HSDL2: variants seen among roughly 807,000 people sequenced by gnomAD.
HSDL2 encodes the protein hydroxysteroid dehydrogenase like 2, also known as hydroxysteroid dehydrogenase-like protein 2.
A neutral mutation model predicts 46.3 loss-of-function variants in HSDL2; 27 were observed. That is an observed-to-expected ratio of 0.58 (90% CI 0.43 to 0.80). The LOEUF (loss-of-function observed/expected upper bound fraction) is 0.80, where lower values mean the gene tolerates loss of function less well. Among genes scored for constraint, HSDL2 ranks in the 30% least tolerant of loss-of-function variants. The pLI is 0.00. For missense variants in HSDL2, 451 were observed against 502.7 expected, an observed-to-expected ratio of 0.90 and a Z score of 0.98; for synonymous variants, 153 against 163.6, an observed-to-expected ratio of 0.94 and a Z score of 0.50.
At chr9:112,431,375 A>G (rs1413037803) in intron 6 of HSDL2, among the ~76,000 whole-genome samples, 2 of 152,192 alleles carry the variant, frequency 1.3e-5, no homozygotes, top group Non-Finnish European at 2.9e-5. Context: ...ACTATTGTCC[A>G]TTTCAACATT....
chr9:112,454,270 C>T lies in HSDL2; in HGVS notation c.1015+108C>T, dbSNP rs1057218541. The T allele has an allele frequency of 8.8e-6, 7 of 798,942 alleles. No homozygotes were observed. In the African/African-American group the frequency reaches 1.2e-4, roughly 14 times the overall value. 49.5% of individuals were successfully genotyped at this position (798,942 alleles called of 1,614,324 possible). ...GATCCCCTGGATAGTTGGCTGCATT[C>T]AAGACCCTTACTCTTGAATGTAGAC... On this transcript the variant is annotated intron_variant, in intron 9 of 10. Transcript: ENST00000398805.
intron 6 of HSDL2, among the ~76,000 whole-genome samples, chr9:112,424,935 C>G (rs1832214120): frequency 1.3e-5 from 2 of 151,936 alleles, no homozygotes; most frequent in South Asian, 4.2e-4. Flanking sequence ...TGCAGATTCT[C>G]CTAGTTTTTT....
At chr9:112,420,253 G>T (rs187089920) in intron 6 of HSDL2, among the ~76,000 whole-genome samples, 1 of 152,272 alleles carries the variant, frequency 6.6e-6, no homozygotes, top group Admixed American at 6.5e-5. Flanking sequence ...AGCAGAGGTT[G>T]CAGTGAACCC....
chr9:112,385,590 A>G (rs1346808070), intron 1 of HSDL2, among the ~76,000 whole-genome samples: 1 of 23,888 alleles, frequency 4.2e-5, no homozygotes, highest in Non-Finnish European at 1.1e-4. Context: ...CCAGGGTTCA[A>G]GCAATTCTGC....
chr9:112,393,277 C>T (rs1360277697), intron 1 of HSDL2, among the ~76,000 whole-genome samples: 1 of 152,180 alleles, frequency 6.6e-6, no homozygotes, highest in African/African-American at 2.4e-5. Flanking sequence ...TTAGTTACGT[C>T]CAAGGATAAA....
At chr9:112,458,377 G>A (rs963583971) in intron 9 of HSDL2, among the ~76,000 whole-genome samples, 46 of 148,704 alleles carry the variant, frequency 3.1e-4, no homozygotes, top group Non-Finnish European at 3.0e-4. Flanking sequence ...CCAAGCTGGA[G>A]TGCAATGGCG....
intron 5 of HSDL2, among the ~76,000 whole-genome samples, chr9:112,418,376 A>C (rs1832042354): frequency 6.6e-6 from 1 of 152,000 alleles, no homozygotes; most frequent in African/African-American, 2.4e-5. Flanking sequence ...TGAGCCCAGG[A>C]GTTCAAGACC....
At chr9:112,409,348 C>G (rs896325784) in intron 4 of HSDL2, among the ~76,000 whole-genome samples, 12 of 152,050 alleles carry the variant, frequency 7.9e-5, no homozygotes, top group African/African-American at 2.7e-4. Context: ...CACCACCATG[C>G]CCAGTTGATT....
chr9:112,418,980 A>G (rs772266593), intron 6 of HSDL2, 22 bp downstream of exon 6: 2 of 1,235,360 alleles, frequency 1.6e-6, no homozygotes, highest in East Asian at 2.4e-5. Flanking sequence ...TAAAAACTTC[A>G]TTTGTTAGAT....
At chr9:112,459,872 T>G (rs1833152764) in intron 10 of HSDL2, among the ~76,000 whole-genome samples, 1 of 152,212 alleles carries the variant, frequency 6.6e-6, no homozygotes. Flanking sequence ...TTAGCTGGCC[T>G]AAGGTATTAT....
chr9:112,434,618 G>C (rs543084636), intron 6 of HSDL2, among the ~76,000 whole-genome samples: 1 of 152,272 alleles, frequency 6.6e-6, no homozygotes, highest in African/African-American at 2.4e-5. Context: ...ATGGTGCGCT[G>C]TATAATCAGT....
chr9:112,419,409 A>C (rs1385382330), intron 6 of HSDL2, among the ~76,000 whole-genome samples: 1 of 152,148 alleles, frequency 6.6e-6, no homozygotes, highest in Non-Finnish European at 1.5e-5. Flanking sequence ...TCAACTTTTT[A>C]TTGTACAACA....
chr9:112,428,562 T>G (rs1832305227), intron 6 of HSDL2, among the ~76,000 whole-genome samples: 1 of 152,222 alleles, frequency 6.6e-6, no homozygotes, highest in African/African-American at 2.4e-5. Context: ...AGAGTTGTTT[T>G]GTTGTTGTTT....
intron 6 of HSDL2, among the ~76,000 whole-genome samples, chr9:112,437,883 T>C (rs10817343): frequency 0.56 from 84,981 of 152,094 alleles, 23,911 homozygotes; most frequent in African/African-American, 0.64. Flanking sequence ...TATGGTTTGG[T>C]CTGTAGTATA....
intron 6 of HSDL2, among the ~76,000 whole-genome samples, chr9:112,421,339 AC>A (rs1237107905): frequency 2.0e-5 from 3 of 152,128 alleles, no homozygotes; most frequent in East Asian, 1.9e-4. Context: ...TCTCAAAAAA[AC>A]AAACAAACAA....
At chr9:112,405,309 G>T (rs1831700692) in intron 2 of HSDL2, among the ~76,000 whole-genome samples, 1 of 152,126 alleles carries the variant, frequency 6.6e-6, no homozygotes, top group Non-Finnish European at 1.5e-5. Flanking sequence ...CTGTGTTTGT[G>T]CCACTTCACC....
chr9:112,416,004 G>A (rs1292833923), intron 4 of HSDL2, among the ~76,000 whole-genome samples: 1 of 151,994 alleles, frequency 6.6e-6, no homozygotes, highest in Non-Finnish European at 1.5e-5. Context: ...AGCTACTCAG[G>A]AGACTGAAGC....
In HSDL2 at chr9:112,418,971, A is replaced by T; in HGVS notation, c.598+13A>T. On this transcript the variant is annotated intron_variant, in intron 6 of 10. Transcript: ENST00000398805. ...TGGCCTAAAACAGGTATGTATTTTT[A>T]AAAACTTCATTTGTTAGATTTTCAT... The T allele has an allele frequency of 7.2e-7, 1 of 1,388,852 alleles. No homozygotes were observed. The allele number at this position is 1,388,852 out of a possible 1,614,324, so 86.0% of individuals were successfully genotyped here.
chr9:112,385,692 A>G (rs1207516661), intron 1 of HSDL2, among the ~76,000 whole-genome samples: 2 of 150,486 alleles, frequency 1.3e-5, no homozygotes, highest in Admixed American at 6.7e-5. Flanking sequence ...ATGGAGTTTC[A>G]CCATGTTGGT....
Sources: gnomAD v4.1 joint callset for allele counts (sites outside exome capture counted in the v4.1 genomes callset) on GRCh38, gnomAD v4.1.1 for gene constraint, MANE v1.5 for transcripts, NCBI Gene and HGNC (gene_info 2026-07-23, HGNC 2026-07-21) for gene names.